CHCHD3: variants seen among roughly 807,000 people sequenced by gnomAD.
CHCHD3 encodes MICOS complex subunit MIC19.
In CHCHD3, 20 loss-of-function variants were observed where a neutral mutation model predicts 38.2. The ratio of observed to expected loss-of-function variants is 0.52; its 90% confidence interval spans 0.37 to 0.76. The LOEUF is 0.76. Ranked by LOEUF, CHCHD3 falls within the 30% of genes least tolerant of loss-of-function variation. The probability of loss-of-function intolerance (pLI) is 0.00; values close to 1 mark genes in which losing one functional copy is unlikely to be tolerated. For synonymous variants in CHCHD3, 82 were observed against 100.0 expected, an observed-to-expected ratio of 0.82 and a Z score of 1.07; for missense variants, 245 against 279.2, an observed-to-expected ratio of 0.88 and a Z score of 0.87.
chr7:132,809,228 T>C (rs1479921892), intron 6 of CHCHD3, among the ~76,000 whole-genome samples: 2 of 151,956 alleles, frequency 1.3e-5, no homozygotes, highest in Non-Finnish European at 2.9e-5. Context: ...CCCAAAGTAC[T>C]AGGATATGGC....
intron 5 of CHCHD3, among the ~76,000 whole-genome samples, chr7:132,865,340 C>T (rs1243235189): frequency 6.6e-6 from 1 of 152,104 alleles, no homozygotes; most frequent in African/African-American, 2.4e-5. Flanking sequence ...GGTTGGAGGA[C>T]AGCAGGGGGA....
chr7:132,878,732 A>G (rs748634047), intron 5 of CHCHD3, among the ~76,000 whole-genome samples: 5 of 152,206 alleles, frequency 3.3e-5, no homozygotes, highest in Non-Finnish European at 5.9e-5. Flanking sequence ...CAGATAAGGG[A>G]TTCAGGTGTG....
intron 5 of CHCHD3, among the ~76,000 whole-genome samples, chr7:132,866,835 T>C (rs1444613170): frequency 6.6e-6 from 1 of 152,148 alleles, no homozygotes; most frequent in Non-Finnish European, 1.5e-5. Context: ...AAGAATACAC[T>C]AGAGCAATAA....
At chr7:133,004,543 G>A (rs1044680608) in intron 3 of CHCHD3, among the ~76,000 whole-genome samples, 1 of 152,214 alleles carries the variant, frequency 6.6e-6, no homozygotes. Context: ...TAATGCCATG[G>A]TAGAAACTCA....
intron 4 of CHCHD3, among the ~76,000 whole-genome samples, chr7:132,938,901 G>T (rs1810695819): frequency 6.6e-6 from 1 of 152,120 alleles, no homozygotes; most frequent in African/African-American, 2.4e-5. Context: ...TGGGAGCAGG[G>T]GACACTTGGT....
At chr7:132,973,622 T>A in intron 4 of CHCHD3, 1 of 1,012,868 alleles carries the variant, frequency 9.9e-7, no homozygotes, top group Non-Finnish European at 1.2e-6. Flanking sequence ...CCACCTCTAT[T>A]CTGGCTTCAC....
intron 6 of CHCHD3, among the ~76,000 whole-genome samples, chr7:132,804,176 T>A (rs1806856564): frequency 6.6e-6 from 1 of 152,046 alleles, no homozygotes; most frequent in South Asian, 2.1e-4. Context: ...ATGAGAAAAC[T>A]GAAGGGAACA....
Position 133,081,964 on chromosome 7 carries a change from C to G in CHCHD3, c.-27G>C. 1 of 1,520,850 alleles carries G rather than the reference C, an allele frequency of 6.6e-7. No individual in the cohort carries two copies. The highest frequency in any genetic ancestry group is 8.8e-7 in the Non-Finnish European group (1 of 1,130,948). The allele number at this position is 1,520,850 out of a possible 1,614,324, so 94.2% of individuals were successfully genotyped here. On this transcript the variant is annotated 5_prime_UTR_variant, in exon 1 of 8. Transcript: ENST00000262570. ...ATTCCGGTTCCTGCCCCAGCGGAGA[C>G]CTAGCGGGGAACCACGAGCACTTCG... is the stretch of plus-strand genomic sequence containing the variant.
intron 1 of CHCHD3, among the ~76,000 whole-genome samples, 165 bp from the exon 2 acceptor site, chr7:133,070,394 T>G (rs1365731269): frequency 1.3e-5 from 2 of 152,198 alleles, no homozygotes; most frequent in East Asian, 3.8e-4. Context: ...AGAATAATTT[T>G]AAGATTTCGA....
intron 4 of CHCHD3, among the ~76,000 whole-genome samples, chr7:132,926,681 C>T (rs1041131781): frequency 3.3e-5 from 5 of 152,128 alleles, no homozygotes; most frequent in Non-Finnish European, 4.4e-5. Context: ...TGCTCAAGTC[C>T]CTCATGTAAA....
chr7:133,069,342 A>G (rs924212448), intron 2 of CHCHD3, among the ~76,000 whole-genome samples: 3 of 152,084 alleles, frequency 2.0e-5, no homozygotes, highest in South Asian at 2.1e-4. Flanking sequence ...GCCCAAGTGA[A>G]TGGCATTTGG....
chr7:133,003,991 CTT>C (rs1812637605), intron 3 of CHCHD3, among the ~76,000 whole-genome samples: 1 of 150,736 alleles, frequency 6.6e-6, no homozygotes, highest in Admixed American at 6.6e-5. Flanking sequence ...GAGTTTTGCT[CTT>C]GTCACCCAGG....
At position 132,874,882 on chromosome 7, in the gene CHCHD3, G is replaced by A. The variant is rs568199290; in HGVS notation, c.453+10780C>T. Among the ~76,000 whole-genome samples, 40 of 152,212 alleles carry A rather than the reference G, an allele frequency of 2.6e-4. 1 individual carries two copies. The South Asian group carries it at 4.2e-3, about 16-fold the overall frequency. ...AAAGAAAACCCTATCCCAGAGCACCGCACCTTTAGGACCCTGAGGCAGCCT... is the reference window on the plus strand; with the variant it reads ...AAAGAAAACCCTATCCCAGAGCACCACACCTTTAGGACCCTGAGGCAGCCT... On this transcript the variant is annotated intron_variant, in intron 5 of 7. Transcript: ENST00000262570.
At chr7:133,059,599 G>A (rs1374305475) in intron 2 of CHCHD3, among the ~76,000 whole-genome samples, 1 of 152,218 alleles carries the variant, frequency 6.6e-6, no homozygotes, top group Non-Finnish European at 1.5e-5. Context: ...CCAGAGCCCC[G>A]CTCCCTAGCC....
At chr7:132,929,794 G>A (rs1177808551) in intron 4 of CHCHD3, among the ~76,000 whole-genome samples, 1 of 152,320 alleles carries the variant, frequency 6.6e-6, no homozygotes, top group Non-Finnish European at 1.5e-5. Context: ...GGCACAGGAA[G>A]CTTTCCTTTA....
chr7:133,016,231 T>C (rs147647882), intron 3 of CHCHD3, among the ~76,000 whole-genome samples: 66 of 152,288 alleles, frequency 4.3e-4, no homozygotes, highest in African/African-American at 1.4e-3. Context: ...TGTTATATAG[T>C]TGAAATGAAT....
chr7:133,034,680 C>T (rs778481384), intron 2 of CHCHD3: 3 of 1,612,886 alleles, frequency 1.9e-6, no homozygotes, highest in Admixed American at 1.7e-5. Context: ...AAAGTACTCT[C>T]GAACCAGCGT....
Position 132,914,123 on chromosome 7 carries a change from C to CATGT in CHCHD3, c.370-28379_370-28378insACAT, listed in dbSNP as rs1462567323. On this transcript the variant is annotated intron_variant, in intron 4 of 7. Transcript: ENST00000262570. ...TACAGATGCCCACCACCATGCCTGG[C>CATGT]GTGTGTGTGTGTGTGTGTGTGTGTG... Among the ~76,000 whole-genome samples, 6 of 132,290 alleles carry CATGT rather than the reference C, an allele frequency of 4.5e-5. No individual in the cohort carries two copies. The East Asian group carries it at 1.4e-3, about 30-fold the overall frequency. 86.8% of individuals were successfully genotyped at this position (132,290 alleles called of 152,430 possible).
chr7:132,948,418 G>A (rs1810951337), intron 4 of CHCHD3, among the ~76,000 whole-genome samples: 3 of 152,068 alleles, frequency 2.0e-5, no homozygotes, highest in Admixed American at 6.6e-5. Context: ...GAGAAGGGAG[G>A]GTAGGATCGA....
Sources: allele counts gnomAD v4.1 joint callset (sites outside exome capture counted in the v4.1 genomes callset), GRCh38; gene constraint gnomAD v4.1.1; transcripts MANE v1.5; gene names NCBI Gene and HGNC (gene_info 2026-07-23, HGNC 2026-07-21).